Variants in NSMCE2 observed in about 807,000 individuals in gnomAD.
The protein encoded by NSMCE2 is NSE2 SUMO ligase component of SMC5/6 complex.
In NSMCE2, 24 loss-of-function variants were observed where a neutral mutation model predicts 23.8. That is an observed-to-expected ratio of 1.01 (90% confidence interval 0.73 to 1.42). The LOEUF is 1.42. Ranked by LOEUF, NSMCE2 falls within the 40% of genes most tolerant of loss-of-function variation. The probability of loss-of-function intolerance (pLI) is 0.00; values close to 1 mark genes in which losing one functional copy is unlikely to be tolerated. For missense variants in NSMCE2, 284 were observed against 296.5 expected (o/e 0.96, Z 0.31); for synonymous variants, 92 against 94.1 (o/e 0.98, Z 0.13).
chr8:125,339,376 T>A (rs778826308), intron 5 of NSMCE2, among the ~76,000 whole-genome samples: 16 of 152,104 alleles, frequency 1.1e-4, no homozygotes, highest in Non-Finnish European at 2.1e-4. Flanking sequence ...GGGCTCTGTC[T>A]TGTTTATCTT....
chr8:125,290,109 T>C (rs951119630), intron 5 of NSMCE2, among the ~76,000 whole-genome samples: 1 of 152,138 alleles, frequency 6.6e-6, no homozygotes, highest in African/African-American at 2.4e-5. Flanking sequence ...AGAAGCATTA[T>C]TAGAATTCCT....
chr8:125,179,792 C>T (rs1236462931), intron 4 of NSMCE2, among the ~76,000 whole-genome samples: 2 of 151,882 alleles, frequency 1.3e-5, no homozygotes, highest in Non-Finnish European at 2.9e-5. Context: ...CTCACTGCCC[C>T]CACTCAGTCT....
At chr8:125,353,711 C>T (rs1397280800) in intron 5 of NSMCE2, among the ~76,000 whole-genome samples, 4 of 151,514 alleles carry the variant, frequency 2.6e-5, no homozygotes, top group Admixed American at 2.0e-4. Context: ...GGCGAAACCA[C>T]GTCTCCACTA....
intron 4 of NSMCE2, among the ~76,000 whole-genome samples, chr8:125,168,725 A>C (rs765557744): frequency 1.3e-5 from 2 of 152,236 alleles, no homozygotes; most frequent in Non-Finnish European, 2.9e-5. Context: ...CTTAAGGGTT[A>C]GGATTTCATC....
At chr8:125,264,610 T>C (rs559904605) in intron 5 of NSMCE2, among the ~76,000 whole-genome samples, 1 of 152,300 alleles carries the variant, frequency 6.6e-6, no homozygotes, top group African/African-American at 2.4e-5. Context: ...TGTTTCACCA[T>C]GTTGGCCAGG....
intron 5 of NSMCE2, among the ~76,000 whole-genome samples, chr8:125,305,777 C>T (rs1828730600): frequency 6.6e-6 from 1 of 152,112 alleles, no homozygotes; most frequent in African/African-American, 2.4e-5. Flanking sequence ...CAAAGTATAG[C>T]CTTGTGCTTT....
At position 125,096,713 on chromosome 8, in the gene NSMCE2, C is replaced by T. The variant is rs563265165; in HGVS notation, c.-111+4755C>T. Among the ~76,000 whole-genome samples the T allele has an allele frequency of 7.9e-5, 11 of 138,614 alleles. No individual in the cohort carries two copies. In the South Asian group the frequency reaches 9.5e-4, roughly 12 times the overall value. The allele number at this position is 138,614 out of a possible 152,430, so 90.9% of individuals were successfully genotyped here. On this transcript the variant is annotated intron_variant, in intron 1 of 7. Coordinates refer to ENST00000287437, the MANE Select transcript of NSMCE2 (RefSeq NM_173685.4). ...GCAACTGCTGCCTCCAGGATTCAAG[C>T]GATTCTTCTGCCTCAGCCTCCCGAG...
rs980226626 is a variant in NSMCE2 at position 125,334,907 on chromosome 8, C to T, written c.419-22312C>T. Among the ~76,000 whole-genome samples the T allele has an allele frequency of 2.0e-5, 3 of 150,878 alleles. No individual in the cohort carries two copies. The Admixed American group carries it at 2.0e-4, about 10-fold the overall frequency. On this transcript the variant is annotated intron_variant, in intron 5 of 7. Transcript: ENST00000287437. ...ATAGCTGGGACTACAGGATGTACACCACCACACCCGGCTAATCTTTTATTT... is the reference window on the plus strand; with the variant it reads ...ATAGCTGGGACTACAGGATGTACACTACCACACCCGGCTAATCTTTTATTT...
chr8:125,129,679 A>T (rs1012789291), intron 3 of NSMCE2, among the ~76,000 whole-genome samples: 18 of 152,058 alleles, frequency 1.2e-4, no homozygotes, highest in Non-Finnish European at 1.5e-5. Context: ...GTTTATACTA[A>T]ATAATAGAAT....
intron 5 of NSMCE2, among the ~76,000 whole-genome samples, chr8:125,319,573 C>T (rs1829343868): frequency 6.6e-6 from 1 of 151,484 alleles, no homozygotes; most frequent in African/African-American, 2.4e-5. Flanking sequence ...TGTAAAGACC[C>T]AATAAGATGA....
intron 5 of NSMCE2, among the ~76,000 whole-genome samples, chr8:125,340,850 C>T (rs1242795955): frequency 1.3e-5 from 2 of 152,194 alleles, no homozygotes; most frequent in Non-Finnish European, 2.9e-5. Context: ...TTATCCTTTT[C>T]TCAATTTCAT....
chr8:125,285,179 T>G (rs1827844856), intron 5 of NSMCE2, among the ~76,000 whole-genome samples: 1 of 152,252 alleles, frequency 6.6e-6, no homozygotes, highest in Admixed American at 6.5e-5. Flanking sequence ...AATATTTACC[T>G]TAAGCAGTCT....
Position 125,273,594 on chromosome 8 carries a change from C to A in NSMCE2, c.419-83625C>A, listed in dbSNP as rs140510235. On this transcript the variant is annotated intron_variant, in intron 5 of 7. Coordinates refer to ENST00000287437, the MANE Select transcript of NSMCE2 (RefSeq NM_173685.4). ...GAAAATGTATTTTAAAACTACCTTTCCAACTTACAGTTTATGGACATATTT... is the reference window on the plus strand; with the variant it reads ...GAAAATGTATTTTAAAACTACCTTTACAACTTACAGTTTATGGACATATTT... 2.2e-3 allele frequency among the ~76,000 whole-genome samples: 335 copies of A among 152,336 alleles called. 1 individual carries two copies. Among genetic ancestry groups the A allele is most frequent in the African/African-American group, 7.4e-3 (306 of 41,582 alleles).
At position 125,366,924 on chromosome 8, in the gene NSMCE2, T is replaced by C. The variant is rs201723981; in HGVS notation, c.*39T>C. ...CCTGCAGGGACACCAGCAGCCTACC[T>C]CCTACCCCAGCTGTCTGTTGAGAGC... On this transcript the variant is annotated 3_prime_UTR_variant, in exon 8 of 8. Coordinates refer to ENST00000287437, the MANE Select transcript of NSMCE2 (RefSeq NM_173685.4). 5.9e-4 allele frequency: 681 copies of C among 1,145,350 alleles called. 2 individuals carry two copies. The highest frequency in any genetic ancestry group is 8.2e-4 in the Non-Finnish European group (617 of 753,284). 70.9% of individuals were successfully genotyped at this position (1,145,350 alleles called of 1,614,324 possible). A position where few individuals can be genotyped will look rare whatever the true frequency, so the allele number is the denominator to read the frequency against.
At chr8:125,205,614 C>G (rs1396573059) in intron 5 of NSMCE2, among the ~76,000 whole-genome samples, 1 of 152,124 alleles carries the variant, frequency 6.6e-6, no homozygotes, top group African/African-American at 2.4e-5. Flanking sequence ...GTATCTTACT[C>G]CATTTTCAGA....
intron 1 of NSMCE2, among the ~76,000 whole-genome samples, chr8:125,093,431 G>T (rs148907625): frequency 0.017 from 2,620 of 152,288 alleles, 45 homozygotes; most frequent in Admixed American, 0.049. Flanking sequence ...GCTTATGCCT[G>T]TAATCCCAGC....
intron 7 of NSMCE2, among the ~76,000 whole-genome samples, chr8:125,363,896 A>G (rs772238220): frequency 2.6e-5 from 4 of 152,138 alleles, no homozygotes; most frequent in Admixed American, 1.3e-4. Context: ...TTCTGTAATT[A>G]TGATTTAACA....
chr8:125,239,482 G>A (rs1295411124), intron 5 of NSMCE2, among the ~76,000 whole-genome samples: 4 of 151,624 alleles, frequency 2.6e-5, no homozygotes, highest in Admixed American at 1.3e-4. Flanking sequence ...GGTGGTGCAC[G>A]CCTGTAGTAC....
In NSMCE2 at chr8:125,324,741, A is replaced by G. The variant is rs1254664040; in HGVS notation, c.419-32478A>G. ...AGGCGCCCGCCACTACGCCCGGCTA[A>G]TTTTTTGTATTTTTAGTAGAGACAG... On this transcript the variant is annotated intron_variant, in intron 5 of 7. Coordinates refer to ENST00000287437, the MANE Select transcript of NSMCE2 (RefSeq NM_173685.4). Among the ~76,000 whole-genome samples the G allele has an allele frequency of 6.6e-5, 7 of 105,786 alleles. 2 individuals are homozygous for G. The highest frequency in any genetic ancestry group is 1.9e-4 in the African/African-American group (7 of 37,180). The allele number at this position is 105,786 out of a possible 152,430, so 69.4% of individuals were successfully genotyped here. A position where few individuals can be genotyped will look rare whatever the true frequency, so the allele number is the denominator to read the frequency against.
Sources: allele counts gnomAD v4.1 joint callset (sites outside exome capture counted in the v4.1 genomes callset), GRCh38; gene constraint gnomAD v4.1.1; transcripts MANE v1.5; gene names NCBI Gene and HGNC (gene_info 2026-07-23, HGNC 2026-07-21).